CTSL: variants seen among roughly 807,000 people sequenced by gnomAD.
The protein encoded by CTSL is procathepsin L.
In CTSL, 23 loss-of-function variants were observed where a neutral mutation model predicts 34.7. That is an observed-to-expected ratio of 0.66 (90% CI 0.48 to 0.94). CTSL has a LOEUF of 0.94. CTSL is among the 40% of genes least tolerant of loss of function. The pLI is 0.00. For missense variants in CTSL, 361 were observed against 406.3 expected, an observed-to-expected ratio of 0.89 and a Z score of 0.96; for synonymous variants, 129 against 136.7, an observed-to-expected ratio of 0.94 and a Z score of 0.39.
chr9:87,728,397 G>T lies in CTSL; in HGVS notation c.396+1G>T. ...CTACGTGACTCCTGTGAAGAATCAG[G>T]TGAGACAGTGTCAGGTTCAGACCTC... On this transcript the variant is annotated splice_donor_variant, in intron 4 of 7. Coordinates refer to ENST00000343150, the MANE Select transcript of CTSL (RefSeq NM_001912.5). LOFTEE classifies it high-confidence loss of function. 1 of 1,612,772 alleles carries T rather than the reference G, an allele frequency of 6.2e-7. No individual in the cohort carries two copies. The highest frequency in any genetic ancestry group is 8.5e-7 in the Non-Finnish European group (1 of 1,179,678).
chr9:87,729,703 C>G lies in CTSL; in HGVS notation c.752C>G (p.Ala251Gly), dbSNP rs1235007642. 9 of 1,613,664 alleles carry G rather than the reference C, an allele frequency of 5.6e-6. No homozygotes were observed. The highest frequency in any genetic ancestry group is 6.8e-6 in the Non-Finnish European group (8 of 1,179,882). Residue 251 changes from alanine to glycine, a missense_variant, in exon 6 of 8, where the codon GCA (alanine) becomes GGA (glycine). Physicochemically the swap from Ala to Gly is moderately conservative, Grantham distance 60. Coordinates refer to ENST00000343150, the MANE Select transcript of CTSL (RefSeq NM_001912.5). ...TVGPISVAID[A>G]GHESFLFYKE... is the part of the protein sequence containing the mutation. ...GGGCCCATTTCTGTTGCTATTGATG[C>G]AGGTCATGAGTCCTTCCTGTTCTAT...
intron 2 of CTSL, 149 bp downstream of exon 2, chr9:87,727,878 G>T: frequency 7.1e-7 from 1 of 1,403,704 alleles, no homozygotes; most frequent in Non-Finnish European, 9.9e-7. Context: ...CATCCTTGTT[G>T]TGTCTCAGTT....
chr9:87,727,193 A>C (rs905089945), intron 1 of CTSL, among the ~76,000 whole-genome samples: 3 of 152,106 alleles, frequency 2.0e-5, no homozygotes, highest in African/African-American at 7.2e-5. Flanking sequence ...ATCCCACCTT[A>C]TCATTAGTGA....
intron 1 of CTSL, 141 bp from the exon 2 acceptor site, chr9:87,727,453 C>T (rs1826061412): frequency 4.4e-6 from 4 of 901,466 alleles, no homozygotes; most frequent in African/African-American, 3.4e-5. Flanking sequence ...TCCTTGGCCT[C>T]TTCCACAGTC....
chr9:87,729,470 GA>G (rs1298393747), intron 5 of CTSL, 102 bp from the exon 6 acceptor site: 1 of 984,106 alleles, frequency 1.0e-6, no homozygotes, highest in Non-Finnish European at 1.5e-6. Context: ...TGGTGACTTG[GA>G]AATACTAAGC....
In CTSL at chr9:87,728,319, C is replaced by G. The variant is rs758188442; in HGVS notation, c.319C>G (p.Gln107Glu). ...TAAGCCCAGGAAGGGGAAAGTGTTC[C>G]AGGAACCTCTGTTTTATGAGGCCCC... ...NRKPRKGKVF[Q>E]EPLFYEAPRS... The change falls in exon 4 of 8, where the codon CAG becomes GAG. Residue 107 changes from glutamine to glutamate, a missense_variant. Physicochemically the swap from Gln to Glu is conservative, Grantham distance 29 (BLOSUM62 2). Transcript: ENST00000343150. 7 of 1,614,110 alleles carry G rather than the reference C, an allele frequency of 4.3e-6. No homozygotes were observed. The highest frequency in any genetic ancestry group is 5.9e-6 in the Non-Finnish European group (7 of 1,180,020).
chr9:87,730,961 T>C (rs765209745), intron 7 of CTSL, 47 bp from the exon 8 acceptor site: 1 of 1,526,818 alleles, frequency 6.5e-7, no homozygotes, highest in African/African-American at 1.4e-5. Context: ...TAATAACCCT[T>C]TGGGCTTTAT....
intron 5 of CTSL, among the ~76,000 whole-genome samples, chr9:87,729,304 G>A (rs1019502613): frequency 2.6e-5 from 4 of 152,166 alleles, no homozygotes; most frequent in Admixed American, 2.0e-4. Flanking sequence ...TCTATGTAAC[G>A]TGAAGAATAT....
At chr9:87,728,921 C>A in intron 5 of CTSL, 112 bp downstream of exon 5, 2 of 1,529,890 alleles carry the variant, frequency 1.3e-6, no homozygotes, top group South Asian at 1.2e-5. Flanking sequence ...TGGGGTGGCT[C>A]ACGCCTGTAA....
rs1826237056 is a variant in CTSL at position 87,731,000 on chromosome 9, T to A, written c.903-8T>A. The A allele has an allele frequency of 6.2e-7, 1 of 1,613,122 alleles. No individual in the cohort carries two copies. The highest frequency in any genetic ancestry group is 8.5e-7 in the Non-Finnish European group (1 of 1,179,288). On this transcript the variant is annotated splice_region_variant and splice_polypyrimidine_tract_variant and intron_variant, in intron 7 of 7. Coordinates refer to ENST00000343150, the MANE Select transcript of CTSL (RefSeq NM_001912.5). ...TTCTCTGAAATGGAAAACCTGCTCT[T>A]TTTTCAGCTGGGGTGAAGAATGGGG...
chr9:87,730,158 C>T (rs2118249206), intron 6 of CTSL, among the ~76,000 whole-genome samples: 1 of 151,862 alleles, frequency 6.6e-6, no homozygotes, highest in South Asian at 2.1e-4. Flanking sequence ...TTTTTTTCCT[C>T]TAGGAAAGCT....
Position 87,728,006 on chromosome 9 carries a change from C to T in CTSL, c.127-21C>T, listed in dbSNP as rs376999319. The stretch of plus-strand genomic sequence containing the variant: ...GGTTTTAGGTAGAAGTAAAGAGCAT[C>T]AGTTACATGTTTGCCTCTAGAATGA... On this transcript the variant is annotated intron_variant, in intron 2 of 7. Coordinates refer to ENST00000343150, the MANE Select transcript of CTSL (RefSeq NM_001912.5). 460 of 1,612,490 alleles carry T rather than the reference C, an allele frequency of 2.9e-4. 4 individuals carry two copies. The South Asian group carries it at 4.8e-3, about 17-fold the overall frequency.
chr9:87,729,624 T>C lies in CTSL; in HGVS notation c.673T>C (p.Phe225Leu), dbSNP rs1826177966. 4.3e-6 allele frequency: 7 copies of C among 1,614,076 alleles called. No homozygotes were observed. The South Asian group carries it at 7.7e-5, about 18-fold the overall frequency. Residue 225 changes from phenylalanine (F) to leucine (L), a missense_variant, in exon 6 of 8, where the codon TTT becomes CTT. Transcript: ENST00000343150. Reference protein sequence around the residue: ...PKYSVANDTGFVDIPKQEKAL... With the variant: ...PKYSVANDTGLVDIPKQEKAL... The stretch of plus-strand genomic sequence containing the variant: ...GTATTCTGTTGCTAATGACACCGGC[T>C]TTGTGGACATCCCTAAGCAGGAGAA...
In CTSL at chr9:87,729,631, A is replaced by G; in HGVS notation, c.680A>G (p.Asp227Gly). ...GTTGCTAATGACACCGGCTTTGTGG[A>G]CATCCCTAAGCAGGAGAAGGCCCTG... ...YSVANDTGFV[D>G]IPKQEKALMK... is the part of the protein sequence containing the mutation. Residue 227 changes from aspartate (D) to glycine (G), a missense_variant, in exon 6 of 8, where the codon GAC (aspartate) becomes GGC (glycine). Coordinates refer to ENST00000343150, the MANE Select transcript of CTSL (RefSeq NM_001912.5). The G allele has an allele frequency of 6.2e-7, 1 of 1,614,110 alleles. No individual in the cohort carries two copies. The highest frequency in any genetic ancestry group is 8.5e-7 in the Non-Finnish European group (1 of 1,179,998).
chr9:87,728,976 A>C, intron 5 of CTSL, 167 bp downstream of exon 5: 2 of 1,442,260 alleles, frequency 1.4e-6, no homozygotes, highest in Non-Finnish European at 9.1e-7. Context: ...GCTTAAGCTC[A>C]GGAGTTTGAG....
At position 87,728,240 on chromosome 9, in the gene CTSL, T is replaced by C. The variant is rs1234590303; in HGVS notation, c.250-10T>C. 1.6e-5 allele frequency: 26 copies of C among 1,614,006 alleles called. No individual in the cohort carries two copies. Among genetic ancestry groups the C allele is most frequent in the Non-Finnish European group, 2.0e-5 (24 of 1,180,030 alleles). On this transcript the variant is annotated splice_polypyrimidine_tract_variant and intron_variant, in intron 3 of 7. Coordinates refer to ENST00000343150, the MANE Select transcript of CTSL (RefSeq NM_001912.5). The stretch of plus-strand genomic sequence containing the variant: ...TTGCTTTTCAACATTTTATTTCCTT[T>C]TCCTTGAAGACCAGTGAAGAATTCA...
rs986499406 is a variant in CTSL, at chr9:87,727,655, A to G, written c.52A>G (p.Thr18Ala). 27 of 1,613,982 alleles carry G rather than the reference A, an allele frequency of 1.7e-5. No individual in the cohort carries two copies. Among genetic ancestry groups the G allele is most frequent in the Non-Finnish European group, 2.3e-5 (27 of 1,179,982 alleles). Residue 18 changes from threonine to alanine, a missense_variant, in exon 2 of 8, where the codon ACT becomes GCT. Physicochemically the swap from Thr to Ala is moderately conservative, Grantham distance 58. Coordinates refer to ENST00000343150, the MANE Select transcript of CTSL (RefSeq NM_001912.5). ...CTTTTGCCTGGGAATTGCCTCAGCT[A>G]CTCTAACATTTGATCACAGTTTAGA... ...AAFCLGIASA[T>A]LTFDHSLEAQ...
chr9:87,731,128 A>T lies in CTSL; in HGVS notation c.*21A>T, dbSNP rs755375312. ...TGTGAGCTGGTGGACGGTGATGAGG[A>T]AGGACTTGACTGGGGATGGCGCATG... On this transcript the variant is annotated 3_prime_UTR_variant, in exon 8 of 8. Transcript: ENST00000343150. The T allele has an allele frequency of 1.2e-6, 2 of 1,600,666 alleles. No individual in the cohort carries two copies. Among genetic ancestry groups the T allele is most frequent in the South Asian group, 1.1e-5 (1 of 90,524 alleles).
At position 87,726,127 on chromosome 9, in the gene CTSL, G is replaced by A. The variant is rs186907729; in HGVS notation, c.-282G>A. 6.6e-6 allele frequency: 1 copy of A among 152,288 alleles called. No homozygotes were observed. Among genetic ancestry groups the A allele is most frequent in the South Asian group, 2.1e-4 (1 of 4,828 alleles). 9.4% of individuals were successfully genotyped at this position (152,288 alleles called of 1,614,324 possible). On this transcript the variant is annotated 5_prime_UTR_variant, in exon 1 of 8. Transcript: ENST00000343150. Reference sequence around the variant, plus strand: ...TCAGGCGAAGCTGGGCCAGAACCGCGACCTCCGCAACCTTGAGCGGCATCC... The same window carrying A: ...TCAGGCGAAGCTGGGCCAGAACCGCAACCTCCGCAACCTTGAGCGGCATCC...
Sources: gnomAD v4.1 joint callset for allele counts (sites outside exome capture counted in the v4.1 genomes callset) on GRCh38, gnomAD v4.1.1 for gene constraint, MANE v1.5 for transcripts, NCBI Gene and HGNC (gene_info 2026-07-23, HGNC 2026-07-21) for gene names.